CRLF2: variants seen among roughly 807,000 people sequenced by gnomAD.
CRLF2 encodes cytokine receptor-like factor 2.
CRLF2 carries 41 observed loss-of-function variants against 38.7 expected under a neutral mutation model. The ratio of observed to expected loss-of-function variants is 1.06; its 90% CI spans 0.83 to 1.37. The LOEUF (loss-of-function observed/expected upper bound fraction) is 1.37, where lower values mean the gene tolerates loss of function less well. Among genes scored for constraint, CRLF2 ranks in the 40% most tolerant of loss-of-function variants. The pLI, the probability that CRLF2 is intolerant of heterozygous loss-of-function variation, is 0.00. For missense variants in CRLF2, 377 were observed against 322.2 expected (o/e 1.17, Z -1.30); for synonymous variants, 140 against 128.8 (o/e 1.09, Z -0.59).
rs373575251 is a variant in CRLF2 at position 1,205,790 on chromosome X, T to C, written c.349+643A>G. ...GTACTGAAAAGCATGGTGAGCTTGC[T>C]TTTCAATAGCTACGGTAATCACTGA... On this transcript the variant is annotated intron_variant, in intron 3 of 7. Coordinates refer to ENST00000400841, the MANE Select transcript of CRLF2 (RefSeq NM_022148.4). 3.0e-4 allele frequency among the ~76,000 whole-genome samples: 46 copies of C among 152,180 alleles called. No individual in the cohort carries two copies. The South Asian group carries it at 3.5e-3, about 12-fold the overall frequency.
At chrX:1,203,228 C>A (rs1370624705) in intron 3 of CRLF2, among the ~76,000 whole-genome samples, 2 of 151,618 alleles carry the variant, frequency 1.3e-5, no homozygotes, top group Non-Finnish European at 2.9e-5. Context: ...GTGTCCTTCT[C>A]GGAGACAGAG....
chrX:1,211,167 G>C (rs1404346993), intron 1 of CRLF2, among the ~76,000 whole-genome samples: 1 of 103,702 alleles, frequency 9.6e-6, no homozygotes, highest in African/African-American at 5.0e-5. Flanking sequence ...ATACATAGGT[G>C]AATGGATGGA....
At chrX:1,211,357 GTGGATGGATGGATGGA>G (rs762348364) in intron 1 of CRLF2, among the ~76,000 whole-genome samples, 2 of 46,472 alleles carry the variant, frequency 4.3e-5, no homozygotes, top group Admixed American at 2.1e-4. Context: ...GGGTGGATGG[GTGGATGGATGGATGGA>G]TGGATGGATG....
At chrX:1,198,472 C>A (rs753816816) in intron 5 of CRLF2, 90 bp downstream of exon 5, 2 of 1,186,284 alleles carry the variant, frequency 1.7e-6, no homozygotes. Context: ...AGGCAGGACA[C>A]CCTCCCTCCC....
In CRLF2 at chrX:1,196,870, T is replaced by C. The variant is rs1278574227; in HGVS notation, c.677A>G (p.Lys226Arg). ...DACAETPTPP[K>R]PKLSKFILIS... ...TAAAATAAATTTGGACAGCTTTGGT[T>C]TGGGAGGCGTTGGTGTCTCTGCACA... The change falls in exon 6 of 8, where the codon AAA becomes AGA. Residue 226 changes from lysine (K) to arginine (R), a missense_variant. Transcript: ENST00000400841. 1.9e-6 allele frequency: 3 copies of C among 1,613,400 alleles called. No homozygotes were observed. The African/African-American group carries it at 4.0e-5, about 22-fold the overall frequency.
intron 3 of CRLF2, among the ~76,000 whole-genome samples, chrX:1,204,451 CT>C (rs2086659221): frequency 6.6e-6 from 1 of 152,024 alleles, no homozygotes; most frequent in South Asian, 2.1e-4. Flanking sequence ...TGGTCTCGAA[CT>C]CCCCACGTCA....
At chrX:1,209,195 C>T (rs1183898841) in intron 1 of CRLF2, among the ~76,000 whole-genome samples, 2 of 151,894 alleles carry the variant, frequency 1.3e-5, no homozygotes, top group Admixed American at 6.6e-5. Flanking sequence ...TCTCGATCTC[C>T]TGACCTCATG....
chrX:1,198,925 G>A (rs1415826652), intron 4 of CRLF2: 1 of 611,014 alleles, frequency 1.6e-6, no homozygotes, highest in East Asian at 2.9e-5. Context: ...GAGGCGGGTG[G>A]ATCACCTGAG....
chrX:1,212,444 G>GA, intron 1 of CRLF2, 112 bp downstream of exon 1: 40 of 493,826 alleles, frequency 8.1e-5, no homozygotes, highest in East Asian at 2.0e-4. Context: ...AAAAAGAAAA[G>GA]AAGAAAGAAA....
chrX:1,212,561 C>A lies in CRLF2; in HGVS notation c.74G>T (p.Gly25Val). ...GAGGGTGTTTAAATAATTACCTGCTCCTCCTTGCCCCAAAGCCATCCAGCC... is the reference window on the plus strand; with the variant it reads ...GAGGGTGTTTAAATAATTACCTGCTACTCCTTGCCCCAAAGCCATCCAGCC... ...LGGWMALGQG[G>V]AAEGVQIQII... The change falls in exon 1 of 8, where the codon GGA becomes GTA. Residue 25 changes from glycine (G) to valine (V), a missense_variant. By Grantham distance (109) the Gly-to-Val change is moderately radical. Transcript: ENST00000400841. 6.2e-7 allele frequency: 1 copy of A among 1,611,546 alleles called. No homozygotes were observed. The highest frequency in any genetic ancestry group is 1.1e-5 in the South Asian group (1 of 91,008).
rs1347289681 is a variant in CRLF2 at position 1,193,432 on chromosome X, CAT to C, written c.768-132_768-131del. ...CAGAGCGGGGCCTTCCACATGGACA[CAT>C]GTGTCTCCTCCCGCTCCCCAGGGAC... On this transcript the variant is annotated intron_variant, in intron 6 of 7. Transcript: ENST00000400841. The C allele has an allele frequency of 1.1e-4, 43 of 396,000 alleles. No homozygotes were observed. In the East Asian group the frequency reaches 1.1e-3, roughly 11 times the overall value. 24.5% of individuals were successfully genotyped at this position (396,000 alleles called of 1,614,324 possible). A position where few individuals can be genotyped will look rare whatever the true frequency, so the allele number is the denominator to read the frequency against.
chrX:1,205,635 T>G lies in CRLF2; in HGVS notation c.349+798A>C, dbSNP rs188287964. Among the ~76,000 whole-genome samples, 223 of 152,020 alleles carry G rather than the reference T, an allele frequency of 1.5e-3. 1 individual carries two copies. The highest frequency in any genetic ancestry group is 0.01 in the Middle Eastern group (3 of 294). ...GGATCCGGTTATTTGCATGAGCTTT[T>G]TTATTTATGGCAATAAGCTGAAGGA... On this transcript the variant is annotated intron_variant, in intron 3 of 7. Coordinates refer to ENST00000400841, the MANE Select transcript of CRLF2 (RefSeq NM_022148.4).
intron 4 of CRLF2, among the ~76,000 whole-genome samples, chrX:1,200,372 G>T (rs141212900): frequency 6.9e-6 from 1 of 145,060 alleles, no homozygotes; most frequent in Non-Finnish European, 1.5e-5. Context: ...ATAAATATGT[G>T]TATATAAGGT....
At chrX:1,197,191 C>G (rs1311654003) in intron 5 of CRLF2, among the ~76,000 whole-genome samples, 10 of 150,124 alleles carry the variant, frequency 6.7e-5, no homozygotes, top group South Asian at 6.3e-4. Context: ...CTCCCGGACT[C>G]AAGCGATTCT....
At chrX:1,192,793 T>G (rs2086416544) in intron 7 of CRLF2, among the ~76,000 whole-genome samples, 2 of 146,272 alleles carry the variant, frequency 1.4e-5, no homozygotes, top group African/African-American at 5.0e-5. Flanking sequence ...CCCCCTTTCC[T>G]CCCTCCTTCC....
At chrX:1,199,704 T>A (rs1215939899) in intron 4 of CRLF2, among the ~76,000 whole-genome samples, 6 of 152,086 alleles carry the variant, frequency 3.9e-5, no homozygotes, top group Admixed American at 3.9e-4. Flanking sequence ...TGTTTGTAGA[T>A]ATATGTACCA....
At chrX:1,197,412 G>A (rs2086503262) in intron 5 of CRLF2, among the ~76,000 whole-genome samples, 1 of 152,018 alleles carries the variant, frequency 6.6e-6, no homozygotes, top group African/African-American at 2.4e-5. Flanking sequence ...AGTAAGGGCA[G>A]GTCCAACATG....
At chrX:1,197,873 T>C (rs1443727030) in intron 5 of CRLF2, among the ~76,000 whole-genome samples, 1 of 151,152 alleles carries the variant, frequency 6.6e-6, no homozygotes, top group Non-Finnish European at 1.5e-5. Flanking sequence ...TGGTGGCGTG[T>C]ACACTGTAAT....
In CRLF2 at chrX:1,198,574, C is replaced by T. The variant is rs760601369; in HGVS notation, c.634G>A (p.Gly212Ser). 4 of 1,613,708 alleles carry T rather than the reference C, an allele frequency of 2.5e-6. No homozygotes were observed. Among genetic ancestry groups the T allele is most frequent in the South Asian group, 2.2e-5 (2 of 91,070 alleles). ...TAACAAGCATTACCCCGAATCTCGCCTCTCTGCCAGCATGTCACCTCTGAC... is the reference window on the plus strand; with the variant it reads ...TAACAAGCATTACCCCGAATCTCGCTTCTCTGCCAGCATGTCACCTCTGAC... The part of the protein sequence containing the change: ...DWSEVTCWQR[G>S]EIRDACAETP... The change falls in exon 5 of 8, where the codon GGC becomes AGC. Residue 212 changes from glycine (G) to serine (S), a missense_variant. Gly to Ser is a moderately conservative substitution (Grantham distance 56). Transcript: ENST00000400841.
Sources: gnomAD v4.1 joint callset for allele counts (sites outside exome capture counted in the v4.1 genomes callset) on GRCh38, gnomAD v4.1.1 for gene constraint, MANE v1.5 for transcripts, NCBI Gene and HGNC (gene_info 2026-07-23, HGNC 2026-07-21) for gene names.